Variants in TRIM24 observed in about 807,000 individuals in gnomAD.
The protein encoded by TRIM24 is transcription intermediary factor 1-alpha.
Under a neutral mutation model 123.9 loss-of-function variants are expected in TRIM24, and 29 were observed. The observed-to-expected ratio is 0.23, with a 90% CI of 0.17 to 0.32. The LOEUF is 0.32. TRIM24 is among the 10% of genes least tolerant of loss of function. The probability of loss-of-function intolerance (pLI) is 1.00; values close to 1 mark genes in which losing one functional copy is unlikely to be tolerated. For synonymous variants in TRIM24, 456 were observed against 461.1 expected (o/e 0.99, Z 0.14); for missense variants, 932 against 1,295.3 (o/e 0.72, Z 4.31).
chr7:138,489,484 C>T (rs2116495162), intron 1 of TRIM24, among the ~76,000 whole-genome samples: 1 of 152,208 alleles, frequency 6.6e-6, no homozygotes, highest in East Asian at 1.9e-4. Context: ...AGTGGCTGGT[C>T]TCAGTTGTTC....
chr7:138,549,799 G>A (rs879929834), intron 7 of TRIM24, among the ~76,000 whole-genome samples: 2 of 152,148 alleles, frequency 1.3e-5, no homozygotes, highest in African/African-American at 2.4e-5. Context: ...GGGAAAATTG[G>A]TGTTAACAGA....
chr7:138,529,042 T>C lies in TRIM24; in HGVS notation c.882-74T>C. 9.2e-6 allele frequency: 8 copies of C among 868,326 alleles called. No homozygotes were observed. In the South Asian group the frequency reaches 1.4e-4, roughly 16 times the overall value. The allele number at this position is 868,326 out of a possible 1,614,324, so 53.8% of individuals were successfully genotyped here. On this transcript the variant is annotated intron_variant, in intron 5 of 18. Transcript: ENST00000343526. Reference sequence around the variant, plus strand: ...AGGGCTGAAAACATTTTGGTCTAATTTAGACATTAAAACGTCAATTTTAAA... The same window carrying C: ...AGGGCTGAAAACATTTTGGTCTAATCTAGACATTAAAACGTCAATTTTAAA...
chr7:138,505,026 G>T (rs186168047), intron 2 of TRIM24, among the ~76,000 whole-genome samples: 1,999 of 152,208 alleles, frequency 0.013, 42 homozygotes, highest in African/African-American at 0.046. Flanking sequence ...CTCTCAAAGT[G>T]TTGGGATTAT....
chr7:138,496,032 T>TA (rs1795899174), intron 1 of TRIM24, among the ~76,000 whole-genome samples: 1 of 152,242 alleles, frequency 6.6e-6, no homozygotes, highest in African/African-American at 2.4e-5. Flanking sequence ...TCAAGTAGCA[T>TA]AAGTCCTCCA....
rs147294496 is a variant in TRIM24 at position 138,475,987 on chromosome 7, A to G, written c.364+15075A>G. Among the ~76,000 whole-genome samples, 371 of 152,294 alleles carry G rather than the reference A, an allele frequency of 2.4e-3. 1 individual carries two copies. The highest frequency in any genetic ancestry group is 3.2e-3 in the Non-Finnish European group (215 of 68,020). ...GGTAGGACACATTATAAATAATGCTACAAGCTGCAGTCTGTAATGAAGATA... is the reference window on the plus strand; with the variant it reads ...GGTAGGACACATTATAAATAATGCTGCAAGCTGCAGTCTGTAATGAAGATA... On this transcript the variant is annotated intron_variant, in intron 1 of 18. Transcript: ENST00000343526.
At chr7:138,555,132 T>G (rs940300710) in intron 9 of TRIM24, among the ~76,000 whole-genome samples, 166 bp downstream of exon 9, 1 of 152,246 alleles carries the variant, frequency 6.6e-6, no homozygotes, top group African/African-American at 2.4e-5. Flanking sequence ...TAATCCCTAC[T>G]TAAAAAGGAT....
intron 9 of TRIM24, among the ~76,000 whole-genome samples, chr7:138,557,722 C>T (rs1165396004): frequency 2.0e-5 from 3 of 152,316 alleles, no homozygotes. Context: ...ACCCCACCTT[C>T]CTGGGCTATG....
At chr7:138,506,326 A>C (rs1233968564) in intron 2 of TRIM24, among the ~76,000 whole-genome samples, 3 of 152,340 alleles carry the variant, frequency 2.0e-5, no homozygotes, top group African/African-American at 2.4e-5. Flanking sequence ...AGTGTTGAGC[A>C]CTTAAGTCCT....
chr7:138,546,122 T>C (rs915529426), intron 7 of TRIM24, among the ~76,000 whole-genome samples: 3 of 152,144 alleles, frequency 2.0e-5, no homozygotes, highest in African/African-American at 7.2e-5. Flanking sequence ...CCTCTTCAAC[T>C]TTAAGGTTAA....
chr7:138,535,742 C>T (rs1327026500), intron 6 of TRIM24, among the ~76,000 whole-genome samples: 4 of 152,060 alleles, frequency 2.6e-5, no homozygotes, highest in African/African-American at 9.7e-5. Flanking sequence ...CTCCGTATTT[C>T]CTGAATTTGA....
Position 138,538,658 on chromosome 7 carries a change from G to A in TRIM24, c.998G>A (p.Ser333Asn), listed in dbSNP as rs770026106. 6.2e-7 allele frequency: 1 copy of A among 1,613,870 alleles called. No individual in the cohort carries two copies. The highest frequency in any genetic ancestry group is 2.2e-5 in the East Asian group (1 of 44,868). The change falls in exon 7 of 19, where the codon AGC becomes AAC. Residue 333 changes from serine to asparagine, a missense_variant and splice_region_variant. Physicochemically the swap from Ser to Asn is conservative, Grantham distance 46 (BLOSUM62 1). Around this residue, in one of 7 missense-constraint regions of TRIM24, gnomAD observed 527 missense variants for 691.3 expected, o/e 0.76. Transcript: ENST00000343526. ...TTGAAACTATTTTCTTGTTTTCAGA[G>A]CCTTGCAAAGGACCATCGCATGAAA... ...KGKALLHQLESLAKDHRMKLM... is the reference protein window; with the variant it reads ...KGKALLHQLENLAKDHRMKLM...
chr7:138,491,282 A>G (rs1795774697), intron 1 of TRIM24: 1 of 223,716 alleles, frequency 4.5e-6, no homozygotes. Context: ...CATCATACCA[A>G]TCTTTCTAAG....
At chr7:138,535,171 T>C (rs1796840029) in intron 6 of TRIM24, among the ~76,000 whole-genome samples, 2 of 152,232 alleles carry the variant, frequency 1.3e-5, no homozygotes, top group African/African-American at 2.4e-5. Flanking sequence ...CTTGATCCAA[T>C]TTGTCAGTCT....
At chr7:138,551,580 AAC>A (rs1158370563) in intron 8 of TRIM24, among the ~76,000 whole-genome samples, 1 of 152,204 alleles carries the variant, frequency 6.6e-6, no homozygotes, top group Non-Finnish European at 1.5e-5. Context: ...CATGAATATA[AAC>A]ACACATACAT....
chr7:138,460,542 C>A lies in TRIM24; in HGVS notation c.-7C>A. 7.7e-7 allele frequency: 1 copy of A among 1,295,610 alleles called. No individual in the cohort carries two copies. Among genetic ancestry groups the A allele is most frequent in the African/African-American group, 1.5e-5 (1 of 64,808 alleles). 80.3% of individuals were successfully genotyped at this position (1,295,610 alleles called of 1,614,324 possible). On this transcript the variant is annotated 5_prime_UTR_variant, in exon 1 of 19. Transcript: ENST00000343526. ...CTCGCTTCCCCGGCGGCGGCAAGGG[C>A]AGGACAATGGAGGTGGCGGTGGAGA...
In TRIM24 at chr7:138,580,668, G is replaced by A. The variant is rs939861962; in HGVS notation, c.2692G>A (p.Val898Ile). The change falls in exon 16 of 19, where the codon GTT becomes ATT. Residue 898 changes from valine to isoleucine, a missense_variant. By Grantham distance (29) the Val-to-Ile change is conservative. Coordinates refer to ENST00000343526, the MANE Select transcript of TRIM24 (RefSeq NM_015905.3). ...NSEKKKTEGL[V>I]KLTPIDKRKC... The stretch of plus-strand genomic sequence containing the variant: ...AGAAAAAAAGAAAACTGAAGGCCTT[G>A]TTAAGTTAACACCTATAGATAAAAG... 6.2e-7 allele frequency: 1 copy of A among 1,613,778 alleles called. No homozygotes were observed.
chr7:138,494,414 T>C (rs1037912223), intron 1 of TRIM24, among the ~76,000 whole-genome samples: 6 of 150,710 alleles, frequency 4.0e-5, no homozygotes, highest in African/African-American at 1.5e-4. Context: ...CCACCACACC[T>C]GGCCATGTTT....
intron 1 of TRIM24, among the ~76,000 whole-genome samples, chr7:138,476,535 G>T (rs1346281157): frequency 6.6e-6 from 1 of 151,138 alleles, no homozygotes; most frequent in African/African-American, 2.4e-5. Flanking sequence ...GGAGGTTGCA[G>T]TGAGCTGAGA....
At chr7:138,574,234 C>T (rs1434075934) in intron 12 of TRIM24, among the ~76,000 whole-genome samples, 1 of 152,214 alleles carries the variant, frequency 6.6e-6, no homozygotes, top group Non-Finnish European at 1.5e-5. Flanking sequence ...GTAGCAATCA[C>T]TCTTCTGGTG....
Sources: allele counts gnomAD v4.1 joint callset (sites outside exome capture counted in the v4.1 genomes callset), GRCh38; gene constraint gnomAD v4.1.1; regional missense constraint gnomAD v4.1.1; transcripts MANE v1.5; gene names NCBI Gene and HGNC (gene_info 2026-07-23, HGNC 2026-07-21).